The following IQSEC3 variants were observed in gnomAD, a reference collection of about 807,000 sequenced individuals.
IQSEC3 encodes IQ motif and SEC7 domain-containing protein 3.
Under a neutral mutation model 105.4 loss-of-function variants are expected in IQSEC3, and 50 were observed. The observed-to-expected ratio is 0.47, with a 90% CI of 0.38 to 0.60. IQSEC3 has a LOEUF of 0.60. IQSEC3 is among the 20% of genes least tolerant of loss of function. IQSEC3 has a pLI of 0.00. For missense variants in IQSEC3, 1,415 were observed against 1,630.0 expected, an observed-to-expected ratio of 0.87 and a Z score of 2.27; for synonymous variants, 708 against 746.0, an observed-to-expected ratio of 0.95 and a Z score of 0.83.
intron 11 of IQSEC3, among the ~76,000 whole-genome samples, chr12:166,633 T>C (rs1938664760): frequency 1.3e-5 from 2 of 152,294 alleles, no homozygotes; most frequent in East Asian, 3.9e-4. Flanking sequence ...TAAGAACAGA[T>C]TCAGAAACTG....
intron 3 of IQSEC3, among the ~76,000 whole-genome samples, chr12:128,440 T>C (rs2136975212): frequency 6.6e-6 from 1 of 152,178 alleles, no homozygotes; most frequent in Admixed American, 6.5e-5. Context: ...CTTAGGTCTC[T>C]TTGAGATCTA....
rs1866743563 is a variant in IQSEC3 at position 157,710 on chromosome 12, C to T, written c.2443+16C>T. 1.2e-6 allele frequency: 2 copies of T among 1,606,530 alleles called. No homozygotes were observed. Among genetic ancestry groups the T allele is most frequent in the Non-Finnish European group, 1.7e-6 (2 of 1,175,524 alleles). The stretch of plus-strand genomic sequence containing the variant: ...AACCTTCGAGGTGAGGAGGTGGGCA[C>T]TGGGGCAGGAGGGGCAAGGCCACGG... On this transcript the variant is annotated intron_variant, in intron 7 of 13. Transcript: ENST00000538872.
At chr12:76,634 C>T (rs1465604344) in intron 1 of IQSEC3, among the ~76,000 whole-genome samples, 8 of 152,256 alleles carry the variant, frequency 5.3e-5, no homozygotes, top group Non-Finnish European at 1.0e-4. Context: ...AAATCTACCA[C>T]GCCTCCATAC....
Position 157,135 on chromosome 12 carries a change from T to C in IQSEC3, c.2264T>C (p.Ile755Thr), listed in dbSNP as rs1866717001. The change falls in exon 6 of 14, where the codon ATT becomes ACT. Residue 755 changes from isoleucine to threonine, a missense_variant. This residue lies in a region of IQSEC3 where 213 missense variants were observed against 306.2 expected (regional missense o/e 0.70). Coordinates refer to ENST00000538872, the MANE Select transcript of IQSEC3 (RefSeq NM_001170738.2). Reference sequence around the variant, plus strand: ...GAGGCTCAGAAGGTGGAGCGGCTCATTGAGGCCTTCAGGTAAGGCCGCTTC... The same window carrying C: ...GAGGCTCAGAAGGTGGAGCGGCTCACTGAGGCCTTCAGGTAAGGCCGCTTC... ...QGEAQKVERL[I>T]EAFSQRYCMC... 4 of 1,589,234 alleles carry C rather than the reference T, an allele frequency of 2.5e-6. No individual in the cohort carries two copies. Among genetic ancestry groups the C allele is most frequent in the East Asian group, 2.3e-5 (1 of 43,836 alleles).
At chr12:134,996 GGC>G (rs1555085959) in intron 3 of IQSEC3, among the ~76,000 whole-genome samples, 2 of 152,196 alleles carry the variant, frequency 1.3e-5, no homozygotes, top group Non-Finnish European at 2.9e-5. Flanking sequence ...CAGGCACAGT[GGC>G]GCACACCTGT....
chr12:119,517 AGAGAAAGAAAG>A (rs1452086049), intron 2 of IQSEC3, among the ~76,000 whole-genome samples: 3 of 152,186 alleles, frequency 2.0e-5, no homozygotes, highest in Admixed American at 2.0e-4. Context: ...CTGGCTACCA[AGAGAAAGAAAG>A]GAGAAAGAAA....
chr12:114,003 A>G lies in IQSEC3; in HGVS notation c.624-11630A>G, dbSNP rs963967478. Among the ~76,000 whole-genome samples the G allele has an allele frequency of 4.6e-5, 7 of 152,374 alleles. No homozygotes were observed. In the South Asian group the frequency reaches 1.4e-3, roughly 32 times the overall value. On this transcript the variant is annotated intron_variant, in intron 2 of 13. Transcript: ENST00000538872. ...CCTGGCTTGGCCACTCACAAACTCT[A>G]TGACCTTGGTTAAATTCCATAAGCT...
At chr12:102,509 C>T (rs1399310501) in intron 2 of IQSEC3, among the ~76,000 whole-genome samples, 10 of 152,358 alleles carry the variant, frequency 6.6e-5, no homozygotes, top group African/African-American at 2.2e-4. Context: ...AGTGGCTGCT[C>T]ATCTATCTGA....
chr12:138,714 G>C lies in IQSEC3; in HGVS notation c.1351G>C (p.Ala451Pro). 1 of 1,505,460 alleles carries C rather than the reference G, an allele frequency of 6.6e-7. No individual in the cohort carries two copies. The highest frequency in any genetic ancestry group is 8.8e-7 in the Non-Finnish European group (1 of 1,132,830). The allele number at this position is 1,505,460 out of a possible 1,614,324, so 93.3% of individuals were successfully genotyped here. A position where few individuals can be genotyped will look rare whatever the true frequency, so the allele number is the denominator to read the frequency against. The part of the protein sequence containing the change: ...QAAAGPPGLE[A>P]EGRAPESAGP... ...GGCCGCGGGGCCCCCAGGCCTGGAGGCCGAGGGGCGGGCGCCGGAGAGCGC... is the reference window on the plus strand; with the variant it reads ...GGCCGCGGGGCCCCCAGGCCTGGAGCCCGAGGGGCGGGCGCCGGAGAGCGC... The change falls in exon 4 of 14, where the codon GCC (alanine) becomes CCC (proline). Residue 451 changes from alanine (A) to proline (P), a missense_variant. Ala to Pro is a conservative substitution (Grantham distance 27). Coordinates refer to ENST00000538872, the MANE Select transcript of IQSEC3 (RefSeq NM_001170738.2). This position sits in a 1 kb window ranked among gnomAD's most constrained non-coding sequence, Gnocchi z 7.1.
chr12:113,172 G>T (rs1864949158), intron 2 of IQSEC3, among the ~76,000 whole-genome samples: 1 of 152,106 alleles, frequency 6.6e-6, no homozygotes, highest in South Asian at 2.1e-4. Context: ...GCACTCCAAG[G>T]ACAGAAATGA....
At chr12:170,977 G>A in intron 12 of IQSEC3, 135 bp from the exon 13 acceptor site, 1 of 1,036,264 alleles carries the variant, frequency 9.7e-7, no homozygotes, top group Non-Finnish European at 1.4e-6. Flanking sequence ...GCAGAGTGGG[G>A]CTCCCAACCT....
chr12:124,113 A>G (rs1299427250), intron 2 of IQSEC3, among the ~76,000 whole-genome samples: 1 of 152,128 alleles, frequency 6.6e-6, no homozygotes. Context: ...TGGGCCGGGC[A>G]CAGTGGCTCA....
rs562271126 is a variant in IQSEC3 at position 109,373 on chromosome 12, G to A, written c.623+10159G>A. On this transcript the variant is annotated intron_variant, in intron 2 of 13. Coordinates refer to ENST00000538872, the MANE Select transcript of IQSEC3 (RefSeq NM_001170738.2). ...GTTGTCCTTTGAGTTTATAACCCTA[G>A]TTCGGATCTTCCTTATGTAGCCCCC... 2.0e-5 allele frequency among the ~76,000 whole-genome samples: 3 copies of A among 152,182 alleles called. No homozygotes were observed. In the East Asian group the frequency reaches 5.8e-4, roughly 29 times the overall value.
At chr12:86,536 G>A (rs1323247176) in intron 1 of IQSEC3, among the ~76,000 whole-genome samples, 5 of 152,110 alleles carry the variant, frequency 3.3e-5, no homozygotes, top group Admixed American at 2.0e-4. Context: ...ATAAGCCTTC[G>A]AGATAGATGC....
intron 3 of IQSEC3, among the ~76,000 whole-genome samples, chr12:133,288 A>G (rs1555085570): frequency 6.6e-6 from 1 of 152,268 alleles, no homozygotes; most frequent in East Asian, 1.9e-4. Context: ...GGGGAAAATT[A>G]AAACGTGTGG....
In IQSEC3 at chr12:108,660, A is replaced by C. The variant is rs1296315902; in HGVS notation, c.623+9446A>C. Among the ~76,000 whole-genome samples, 5 of 152,200 alleles carry C rather than the reference A, an allele frequency of 3.3e-5. 1 individual carries two copies. The highest frequency in any genetic ancestry group is 1.2e-4 in the African/African-American group (5 of 41,452). On this transcript the variant is annotated intron_variant, in intron 2 of 13. Transcript: ENST00000538872. ...CTGGAGTTCATTTAGGCGCCTTTCC[A>C]GGGCCCACTGACCCCAGGAGGAACT...
chr12:139,600 A>G, intron 4 of IQSEC3: 1 of 415,518 alleles, frequency 2.4e-6, no homozygotes, highest in East Asian at 3.5e-5. Context: ...CATCAGACAC[A>G]TGCTTTCACA....
rs138101214 is a variant in IQSEC3, at chr12:79,038, A to G, written c.554+11602A>G. On this transcript the variant is annotated intron_variant, in intron 1 of 13. Coordinates refer to ENST00000538872, the MANE Select transcript of IQSEC3 (RefSeq NM_001170738.2). ...CTTCCCTTCCCTTGCCTTCCAGTCC[A>G]CTGACACCCCTCCGCCATCTACTTT... is the stretch of plus-strand genomic sequence containing the variant. Among the ~76,000 whole-genome samples, 1,131 of 152,134 alleles carry G rather than the reference A, an allele frequency of 7.4e-3. 9 individuals carry two copies. The highest frequency in any genetic ancestry group is 0.026 in the African/African-American group (1,067 of 41,508).
intron 1 of IQSEC3, among the ~76,000 whole-genome samples, chr12:95,487 T>A (rs1864217380): frequency 6.6e-6 from 1 of 152,238 alleles, no homozygotes; most frequent in African/African-American, 2.4e-5. Flanking sequence ...TTAATGGATT[T>A]ACGGTAATAT....
Sources: gnomAD v4.1 joint callset for allele counts (sites outside exome capture counted in the v4.1 genomes callset) on GRCh38, gnomAD v4.1.1 for gene constraint, gnomAD v4.1.1 regional missense constraint, Gnocchi (gnomAD v3.1) non-coding constraint, MANE v1.5 for transcripts, NCBI Gene and HGNC (gene_info 2026-07-23, HGNC 2026-07-21) for gene names.